The following TBC1D21 variants were observed in gnomAD, a reference collection of about 807,000 sequenced individuals.
TBC1D21 encodes the protein male germ cell Rab GTPase-activating protein.
A neutral mutation model predicts 46.0 loss-of-function variants in TBC1D21; 38 were observed. The ratio of observed to expected loss-of-function variants is 0.83; its 90% CI spans 0.64 to 1.08. The LOEUF is 1.08. TBC1D21 is among the 50% of genes least tolerant of loss of function. The pLI, the probability that TBC1D21 is intolerant of heterozygous loss-of-function variation, is 0.00. For synonymous variants in TBC1D21, 151 were observed against 157.2 expected (o/e 0.96, Z 0.29); for missense variants, 415 against 417.9 (o/e 0.99, Z 0.06).
At chr15:73,888,361 A>T (rs59778825) in intron 9 of TBC1D21, 69 bp from the exon 10 acceptor site, 23 of 1,345,466 alleles carry the variant, frequency 1.7e-5, no homozygotes, top group Non-Finnish European at 2.3e-5. Flanking sequence ...AGGCAGCTGC[A>T]TGTGCCCAAG....
downstream of TBC1D21, among the ~76,000 whole-genome samples, chr15:73,889,684 G>A (rs2068320684): frequency 2.0e-5 from 3 of 152,228 alleles, no homozygotes; most frequent in African/African-American, 7.2e-5. Flanking sequence ...TCCCTTCCTG[G>A]TTTCAAAGCC....
rs79036677 is a variant in TBC1D21, at chr15:73,876,827, G to A, written c.60+3058G>A. Reference sequence around the variant, plus strand: ...TCATTGTAGGGCATTTGATTTTAAGGTATTTCTTTTGTTCACAGCTTGTGT... The same window carrying A: ...TCATTGTAGGGCATTTGATTTTAAGATATTTCTTTTGTTCACAGCTTGTGT... On this transcript the variant is annotated intron_variant, in intron 1 of 10. Coordinates refer to ENST00000300504, the MANE Select transcript of TBC1D21 (RefSeq NM_153356.3). Among the ~76,000 whole-genome samples the A allele has an allele frequency of 7.7e-4, 117 of 152,126 alleles. No homozygotes were observed. In the East Asian group the frequency reaches 0.018, roughly 23 times the overall value.
At chr15:73,890,495 T>G (rs1222741115), downstream of TBC1D21, among the ~76,000 whole-genome samples, 1 of 152,204 alleles carries the variant, frequency 6.6e-6, no homozygotes, top group African/African-American at 2.4e-5. Flanking sequence ...TAAATAAGTG[T>G]TCCCGCATGA....
chr15:73,888,765 C>T (rs2068305750), intron 10 of TBC1D21, among the ~76,000 whole-genome samples: 1 of 152,000 alleles, frequency 6.6e-6, no homozygotes, highest in African/African-American at 2.4e-5. Context: ...CAGAGCCTAT[C>T]CTGATCTCCC....
At chr15:73,897,779 C>T in the TBC1D21 span, among the ~76,000 whole-genome samples, 2 of 152,242 alleles carry the variant, frequency 1.3e-5, no homozygotes, top group Non-Finnish European at 2.9e-5. Flanking sequence ...CTCTGTTGTT[C>T]ATGGCTCTCA....
chr15:73,882,592 T>C (rs1595821969), intron 3 of TBC1D21, among the ~76,000 whole-genome samples: 2 of 152,142 alleles, frequency 1.3e-5, no homozygotes, highest in Admixed American at 6.5e-5. Context: ...TAACACACCA[T>C]CTTTGAACTT....
chr15:73,902,053 A>G, the TBC1D21 span, among the ~76,000 whole-genome samples: 1 of 152,086 alleles, frequency 6.6e-6, no homozygotes, highest in Non-Finnish European at 1.5e-5. Context: ...GCTTCATGCA[A>G]TCCTCCTGCC....
At chr15:73,904,427 A>G in the TBC1D21 span, among the ~76,000 whole-genome samples, 87 of 152,354 alleles carry the variant, frequency 5.7e-4, no homozygotes, top group East Asian at 0.015. Context: ...ATTCAGTGGC[A>G]TTATGCGGGT....
intron 10 of TBC1D21, among the ~76,000 whole-genome samples, chr15:73,888,851 T>C (rs986152992): frequency 1.3e-5 from 2 of 152,156 alleles, no homozygotes; most frequent in Admixed American, 6.5e-5. Flanking sequence ...GACCCATGCA[T>C]GTTGCTCCTC....
At chr15:73,876,177 G>T (rs2068055640) in intron 1 of TBC1D21, among the ~76,000 whole-genome samples, 1 of 138,590 alleles carries the variant, frequency 7.2e-6, no homozygotes, top group Non-Finnish European at 1.6e-5. Context: ...CTAGAAGGAA[G>T]AATCAGTGAC....
intron 1 of TBC1D21, among the ~76,000 whole-genome samples, chr15:73,877,193 G>A (rs918490071): frequency 2.6e-5 from 4 of 152,106 alleles, no homozygotes; most frequent in Admixed American, 6.5e-5. Flanking sequence ...AGAATGAAAT[G>A]CATTTATTTT....
chr15:73,890,630 T>C (rs1017804682), downstream of TBC1D21, among the ~76,000 whole-genome samples: 6 of 152,220 alleles, frequency 3.9e-5, no homozygotes, highest in African/African-American at 1.4e-4. Flanking sequence ...AAACATCAGA[T>C]GAACATTTTC....
the TBC1D21 span, among the ~76,000 whole-genome samples, chr15:73,894,728 C>T: frequency 1.3e-5 from 2 of 152,292 alleles, no homozygotes; most frequent in Non-Finnish European, 2.9e-5. Context: ...AGTAGCCTCT[C>T]TTTCCTATCC....
intron 1 of TBC1D21, among the ~76,000 whole-genome samples, chr15:73,876,232 T>TG (rs2068064608): frequency 9.6e-6 from 1 of 103,998 alleles, no homozygotes; most frequent in African/African-American, 5.2e-5. Flanking sequence ...TTTTTTTTTT[T>TG]TTTTTTTTTT....
chr15:73,893,111 C>T (rs1024981320), downstream of TBC1D21, among the ~76,000 whole-genome samples: 3 of 152,026 alleles, frequency 2.0e-5, no homozygotes, highest in Non-Finnish European at 4.4e-5. Context: ...ATTCTGCCAA[C>T]AAAAACTGAC....
chr15:73,877,716 T>C (rs1429549266), intron 1 of TBC1D21, among the ~76,000 whole-genome samples: 1 of 152,166 alleles, frequency 6.6e-6, no homozygotes, highest in South Asian at 2.1e-4. Context: ...GCATAGTATA[T>C]CATCACCAAG....
chr15:73,893,115 AACTG>A (rs1358441924), downstream of TBC1D21, among the ~76,000 whole-genome samples: 2 of 152,160 alleles, frequency 1.3e-5, no homozygotes, highest in Non-Finnish European at 2.9e-5. Flanking sequence ...TGCCAACAAA[AACTG>A]ACTGTCTCTA....
At chr15:73,875,150 G>A (rs2068036286) in intron 1 of TBC1D21, among the ~76,000 whole-genome samples, 1 of 151,982 alleles carries the variant, frequency 6.6e-6, no homozygotes, top group African/African-American at 2.4e-5. Context: ...TTAAGAGACT[G>A]AGGCAGGAGA....
At position 73,889,118 on chromosome 15, in the gene TBC1D21, A is replaced by C; in HGVS notation, c.*17A>C. 4 of 1,611,780 alleles carry C rather than the reference A, an allele frequency of 2.5e-6. No individual in the cohort carries two copies. The highest frequency in any genetic ancestry group is 3.4e-6 in the Non-Finnish European group (4 of 1,179,012). On this transcript the variant is annotated 3_prime_UTR_variant, in exon 11 of 11. Coordinates refer to ENST00000300504, the MANE Select transcript of TBC1D21 (RefSeq NM_153356.3). Reference sequence around the variant, plus strand: ...TTCCTCTGAGGACACCAAAGCCCGCAGTGGACTGATGCCTTCGATGGGCAG... The same window carrying C: ...TTCCTCTGAGGACACCAAAGCCCGCCGTGGACTGATGCCTTCGATGGGCAG...
Sources: gnomAD v4.1 joint callset for allele counts (sites outside exome capture counted in the v4.1 genomes callset) on GRCh38, gnomAD v4.1.1 for gene constraint, MANE v1.5 for transcripts, NCBI Gene and HGNC (gene_info 2026-07-23, HGNC 2026-07-21) for gene names.